The following TUSC3 variants were observed in gnomAD, a reference collection of about 807,000 sequenced individuals.
The protein encoded by TUSC3 is tumor suppressor candidate 3.
A neutral mutation model predicts 44.8 loss-of-function variants in TUSC3; 45 were observed. The observed-to-expected ratio is 1.00, with a 90% CI of 0.79 to 1.29. The LOEUF is 1.29. TUSC3 is among the 50% of genes most tolerant of loss of function. The pLI is 0.00. For missense variants in TUSC3, 519 were observed against 437.9 expected, an observed-to-expected ratio of 1.19 and a Z score of -1.65; for synonymous variants, 212 against 152.9, an observed-to-expected ratio of 1.39 and a Z score of -2.85.
At chr8:15,583,155 T>C (rs542679169) in intron 1 of TUSC3, among the ~76,000 whole-genome samples, 1 of 152,340 alleles carries the variant, frequency 6.6e-6, no homozygotes, top group South Asian at 2.1e-4. Flanking sequence ...ACAAATCTAA[T>C]GCAAACAGGG....
At chr8:15,818,841 T>A in the TUSC3 span, among the ~76,000 whole-genome samples, 144,285 of 152,272 alleles carry the variant, frequency 0.95, 68,425 homozygotes, top group Non-Finnish European at 0.97. Flanking sequence ...TGGTTTTTGT[T>A]TCGTTGCTAA....
intron 1 of TUSC3, among the ~76,000 whole-genome samples, chr8:15,424,961 T>A (rs1426611066): frequency 6.6e-6 from 1 of 151,960 alleles, no homozygotes; most frequent in Non-Finnish European, 1.5e-5. Flanking sequence ...AAGAATTATA[T>A]CGGTGATGGC....
intron 1 of TUSC3, among the ~76,000 whole-genome samples, chr8:15,578,678 G>T (rs1487326823): frequency 2.6e-5 from 4 of 152,072 alleles, no homozygotes; most frequent in Admixed American, 6.5e-5. Context: ...CTTGATCATG[G>T]TGGATAAGCT....
At chr8:15,473,639 G>A (rs527358063) in intron 1 of TUSC3, among the ~76,000 whole-genome samples, 4 of 152,282 alleles carry the variant, frequency 2.6e-5, no homozygotes, top group African/African-American at 7.2e-5. Flanking sequence ...TATATCGGCA[G>A]GACCGTGCTA....
chr8:15,798,603 A>C, the TUSC3 span, among the ~76,000 whole-genome samples: 2 of 151,744 alleles, frequency 1.3e-5, no homozygotes, highest in Non-Finnish European at 2.9e-5. Flanking sequence ...GTTCAACCAA[A>C]GGAACTGCAA....
the TUSC3 span, chr8:15,806,873 A>G: frequency 2.6e-6 from 3 of 1,144,234 alleles, no homozygotes; most frequent in South Asian, 1.2e-5. Flanking sequence ...TGAAATAATT[A>G]TGTTGGGGAG....
chr8:15,434,863 A>T (rs1799925856), intron 1 of TUSC3, among the ~76,000 whole-genome samples: 1 of 151,882 alleles, frequency 6.6e-6, no homozygotes, highest in Non-Finnish European at 1.5e-5. Flanking sequence ...AAGGACATGA[A>T]CTCATCATTT....
At chr8:15,811,463 C>A in the TUSC3 span, among the ~76,000 whole-genome samples, 1 of 152,164 alleles carries the variant, frequency 6.6e-6, no homozygotes, top group Non-Finnish European at 1.5e-5. Context: ...ACCTTTTCTG[C>A]CGACATTTCA....
At chr8:15,829,944 T>G in the TUSC3 span, among the ~76,000 whole-genome samples, 1 of 152,162 alleles carries the variant, frequency 6.6e-6, no homozygotes, top group Non-Finnish European at 1.5e-5. Flanking sequence ...CTCTGCACAC[T>G]CAACCAATAT....
intron 1 of TUSC3, among the ~76,000 whole-genome samples, chr8:15,435,277 T>C (rs560332449): frequency 1.3e-5 from 2 of 152,274 alleles, no homozygotes; most frequent in Admixed American, 6.5e-5. Flanking sequence ...TGCATTTCTC[T>C]GGTGGCCAGT....
chr8:15,710,749 A>G (rs77203945), intron 6 of TUSC3, among the ~76,000 whole-genome samples: 6,381 of 151,116 alleles, frequency 0.042, 227 homozygotes, highest in East Asian at 0.18. Flanking sequence ...TGCACAAATC[A>G]TAAATGTGCA....
the TUSC3 span, among the ~76,000 whole-genome samples, chr8:15,778,110 A>C: frequency 0.18 from 20,174 of 110,808 alleles, 2,013 homozygotes; most frequent in Non-Finnish European, 0.26. Flanking sequence ...AAAAAAAAAA[A>C]ACAAAAAACC....
At chr8:15,804,066 G>A in the TUSC3 span, among the ~76,000 whole-genome samples, 1 of 152,130 alleles carries the variant, frequency 6.6e-6, no homozygotes, top group Non-Finnish European at 1.5e-5. Flanking sequence ...TATATATTCA[G>A]TAACGGGATT....
intron 2 of TUSC3, among the ~76,000 whole-genome samples, chr8:15,528,313 C>T (rs1381571229): frequency 1.3e-5 from 2 of 152,022 alleles, no homozygotes; most frequent in Non-Finnish European, 2.9e-5. Context: ...TTGATGAGTT[C>T]AGGAAATGAA....
chr8:15,787,752 T>C, the TUSC3 span, among the ~76,000 whole-genome samples: 1 of 152,186 alleles, frequency 6.6e-6, no homozygotes, highest in Non-Finnish European at 1.5e-5. Flanking sequence ...TTATTCTAGA[T>C]TGAAAGTGTC....
At chr8:15,822,187 A>T in the TUSC3 span, among the ~76,000 whole-genome samples, 1 of 152,126 alleles carries the variant, frequency 6.6e-6, no homozygotes, top group African/African-American at 2.4e-5. Flanking sequence ...ACAAATAGAA[A>T]AAAACGGGTG....
chr8:15,693,052 G>A (rs1808989964), intron 6 of TUSC3, among the ~76,000 whole-genome samples: 1 of 152,178 alleles, frequency 6.6e-6, no homozygotes, highest in Admixed American at 6.5e-5. Flanking sequence ...GGATGTCACT[G>A]CATGTGAGAT....
chr8:15,598,583 A>G (rs112249538), intron 1 of TUSC3, among the ~76,000 whole-genome samples: 3 of 17,754 alleles, frequency 1.7e-4, no homozygotes, highest in South Asian at 7.5e-4. Context: ...ATGCCCTAAA[A>G]CTCGTCATAC....
chr8:15,481,458 C>A (rs1291374687), intron 1 of TUSC3, among the ~76,000 whole-genome samples: 1 of 151,984 alleles, frequency 6.6e-6, no homozygotes, highest in Admixed American at 6.6e-5. Flanking sequence ...CACAAGAAGG[C>A]CCTCACCAAA....
Sources: gnomAD v4.1 joint callset for allele counts (sites outside exome capture counted in the v4.1 genomes callset) on GRCh38, gnomAD v4.1.1 for gene constraint, MANE v1.5 for transcripts, NCBI Gene and HGNC (gene_info 2026-07-23, HGNC 2026-07-21) for gene names.